CHD8: variants seen among roughly 807,000 people sequenced by gnomAD.
CHD8 encodes ATP-dependent chromatin remodeler CHD8.
In CHD8, 31 loss-of-function variants were observed where a neutral mutation model predicts 279.2. That is an observed-to-expected ratio of 0.11 (90% CI 0.08 to 0.15). The LOEUF (loss-of-function observed/expected upper bound fraction) is 0.15. Ranked by LOEUF, CHD8 falls within the 10% of genes least tolerant of loss-of-function variation. The pLI is 1.00. For synonymous variants in CHD8, 1,081 were observed against 1,139.6 expected, an observed-to-expected ratio of 0.95 and a Z score of 1.04; for missense variants, 2,146 against 3,230.5, an observed-to-expected ratio of 0.66 and a Z score of 8.14.
intron 1 of CHD8, among the ~76,000 whole-genome samples, chr14:21,444,580 G>C (rs768323485): frequency 6.6e-6 from 1 of 152,050 alleles, no homozygotes; most frequent in Admixed American, 6.6e-5. Context: ...CACTCTAAAG[G>C]ATCCAAGGAA....
At chr14:21,395,792 T>A (rs752719663) in intron 28 of CHD8, 25 bp downstream of exon 28, 1 of 1,413,054 alleles carries the variant, frequency 7.1e-7, no homozygotes, top group South Asian at 1.2e-5. Flanking sequence ...TAGAGAAAAG[T>A]GAGACTCAAA....
rs749222217 is a variant in CHD8, at chr14:21,400,070, C to T, written c.4728G>A (p.Lys1576=). Residue 1576 remains lysine, a splice_region_variant and synonymous_variant, in exon 25 of 38, where the codon AAG becomes AAA. Coordinates refer to ENST00000646647, the MANE Select transcript of CHD8 (RefSeq NM_001170629.2). The surrounding 1 kb of genome is among the most constrained non-coding windows in gnomAD (Gnocchi z 4.2). ...YKKHLKHQCN[K]VLLRVRMLYY... ...ATAGCATTCGTACCCGCAACAGTACCCTAGAAAGGACAGAGGAAGAGCTGG... is the reference window on the plus strand; with the variant it reads ...ATAGCATTCGTACCCGCAACAGTACTCTAGAAAGGACAGAGGAAGAGCTGG... 4.3e-6 allele frequency: 7 copies of T among 1,613,550 alleles called. No homozygotes were observed. The highest frequency in any genetic ancestry group is 5.9e-6 in the Non-Finnish European group (7 of 1,179,798).
At chr14:21,413,361 G>A (rs564432756) in intron 9 of CHD8, among the ~76,000 whole-genome samples, 3 of 150,034 alleles carry the variant, frequency 2.0e-5, no homozygotes, top group African/African-American at 4.9e-5. Context: ...TACAACTCCC[G>A]CAACTATTTT....
rs1323000402 is a variant in CHD8, at chr14:21,427,893, T to C, written c.1577A>G (p.Lys526Arg). 1 of 1,614,058 alleles carries C rather than the reference T, an allele frequency of 6.2e-7. No homozygotes were observed. Among genetic ancestry groups the C allele is most frequent in the Non-Finnish European group, 8.5e-7 (1 of 1,179,900 alleles). The stretch of plus-strand genomic sequence containing the variant: ...CTTGAGCTTGCTCTTGCCCTTTGTT[T>C]TGGAGGCACCAGATGTTTTACTCTT... ...PKKSKTSGASKTKGKSKLNTI... is the reference protein window; with the variant it reads ...PKKSKTSGASRTKGKSKLNTI... The change falls in exon 4 of 38, where the codon AAA (lysine) becomes AGA (arginine). Residue 526 changes from lysine (K) to arginine (R), a missense_variant. By Grantham distance (26) the Lys-to-Arg change is conservative. Around this residue, in one of 26 missense-constraint regions of CHD8, gnomAD observed 123 missense variants for 169.2 expected, o/e 0.73. Coordinates refer to ENST00000646647, the MANE Select transcript of CHD8 (RefSeq NM_001170629.2).
At position 21,392,631 on chromosome 14, in the gene CHD8, G is replaced by A. The variant is rs1887597818; in HGVS notation, c.6647C>T (p.Pro2216Leu). 1.2e-6 allele frequency: 2 copies of A among 1,613,990 alleles called. No individual in the cohort carries two copies. Among genetic ancestry groups the A allele is most frequent in the Non-Finnish European group, 8.5e-7 (1 of 1,179,890 alleles). The change falls in exon 34 of 38, where the codon CCA (proline) becomes CTA (leucine). Residue 2216 changes from proline (P) to leucine (L), a missense_variant. Around this residue, in one of 26 missense-constraint regions of CHD8, gnomAD observed 513 missense variants for 637.6 expected, o/e 0.80. Transcript: ENST00000646647. ...GEYGDSPVPTPRSSSAASMAE... is the reference protein window; with the variant it reads ...GEYGDSPVPTLRSSSAASMAE... ...CATGGAAGCTGCACTACTACTTCGT[G>A]GTGTGGGGACTGGAGAGTCACCATA... is the stretch of plus-strand genomic sequence containing the variant.
intron 30 of CHD8, 159 bp downstream of exon 30, chr14:21,394,753 C>T (rs1887703773): frequency 2.8e-6 from 2 of 708,252 alleles, no homozygotes; most frequent in Non-Finnish European, 2.3e-6. Context: ...ATGATTACTG[C>T]ATGCAAGTGA....
chr14:21,393,264 G>C lies in CHD8; in HGVS notation c.6320-10C>G. The C allele has an allele frequency of 1.9e-6, 3 of 1,613,886 alleles. No homozygotes were observed. Among genetic ancestry groups the C allele is most frequent in the Non-Finnish European group, 2.5e-6 (3 of 1,179,806 alleles). ...GAGCGGGACTGGTCAGCTGGTAAGA[G>C]AGCCCATAGAATGTGTGAGAAAAGA... On this transcript the variant is annotated splice_polypyrimidine_tract_variant and intron_variant, in intron 32 of 37. Transcript: ENST00000646647.
rs770032194 is a variant in CHD8, at chr14:21,428,083, G to A, written c.1387C>T (p.Arg463Trp). The A allele has an allele frequency of 6.2e-7, 1 of 1,613,990 alleles. No individual in the cohort carries two copies. The highest frequency in any genetic ancestry group is 8.5e-7 in the Non-Finnish European group (1 of 1,179,898). ...EHQKKQEKAN[R>W]IVAEAIARAR... is the part of the protein sequence containing the mutation. ...CTCGCAATGGCCTCTGCTACAATCC[G>A]ATTTGCTTTCTCTTGCTTCTTCTGG... Residue 463 changes from arginine (R) to tryptophan (W), a missense_variant, in exon 4 of 38, where the codon CGG becomes TGG. Arg to Trp is a moderately radical substitution (Grantham distance 101). Around this residue, in one of 26 missense-constraint regions of CHD8, gnomAD observed 14 missense variants for 42.4 expected, o/e 0.33. Transcript: ENST00000646647.
At chr14:21,393,431 G>A (rs1887635836) in intron 32 of CHD8, 45 bp downstream of exon 32, 2 of 1,510,998 alleles carry the variant, frequency 1.3e-6, no homozygotes, top group Non-Finnish European at 8.9e-7. Flanking sequence ...AGAGAAGAGA[G>A]GGGGAAATAG....
chr14:21,418,245 C>T (rs1467646975), intron 5 of CHD8, among the ~76,000 whole-genome samples: 2 of 152,118 alleles, frequency 1.3e-5, no homozygotes, highest in Admixed American at 6.5e-5. Flanking sequence ...AAGCCGGGCA[C>T]GGTGGATCAC....
chr14:21,429,058 G>C lies in CHD8; in HGVS notation c.1121C>G (p.Thr374Ser). The change falls in exon 3 of 38, where the codon ACT becomes AGT. Residue 374 changes from threonine (T) to serine (S), a missense_variant. By Grantham distance (58) the Thr-to-Ser change is moderately conservative. Around this residue, in one of 26 missense-constraint regions of CHD8, gnomAD observed 170 missense variants for 189.9 expected, o/e 0.90. Coordinates refer to ENST00000646647, the MANE Select transcript of CHD8 (RefSeq NM_001170629.2). ...PQQPPSTQPV[T>S]LSSVQQAQIM... ...CTGAGCCTGCTGTACAGAGGACAGA[G>C]TCACTGGCTGGGTGGAGGGTGGCTG... 1 of 1,614,028 alleles carries C rather than the reference G, an allele frequency of 6.2e-7. No homozygotes were observed. Among genetic ancestry groups the C allele is most frequent in the Non-Finnish European group, 8.5e-7 (1 of 1,179,886 alleles).
intron 26 of CHD8, chr14:21,399,296 C>T (rs1887930523): frequency 1.4e-5 from 5 of 347,652 alleles, no homozygotes; most frequent in Middle Eastern, 9.2e-4. Context: ...GGGTATATTA[C>T]CTGCCCTGAT....
rs1208210510 is a variant in CHD8, at chr14:21,402,561, AAGGAT to A, written c.3715-63_3715-59del. Reference sequence around the variant, plus strand: ...AAGATATCATAAAATTAGCAAGGGAAAGGATACAAAATACCAATTTATGATTCTTT... The same window carrying A: ...AAGATATCATAAAATTAGCAAGGGAAACAAAATACCAATTTATGATTCTTT... On this transcript the variant is annotated intron_variant, in intron 18 of 37. Coordinates refer to ENST00000646647, the MANE Select transcript of CHD8 (RefSeq NM_001170629.2). The surrounding 1 kb of genome is among the most constrained non-coding windows in gnomAD (Gnocchi z 4.5). The A allele has an allele frequency of 6.8e-7, 1 of 1,465,596 alleles. No individual in the cohort carries two copies. The highest frequency in any genetic ancestry group is 1.4e-5 in the African/African-American group (1 of 70,660). 90.8% of individuals were successfully genotyped at this position (1,465,596 alleles called of 1,614,324 possible).
At chr14:21,430,027 T>C (rs965021918) in intron 2 of CHD8, 17 of 153,716 alleles carry the variant, frequency 1.1e-4, no homozygotes, top group African/African-American at 4.1e-4. Context: ...AGTTCATTTT[T>C]GGAAACCTAA....
intron 1 of CHD8, among the ~76,000 whole-genome samples, chr14:21,453,714 G>A (rs1217242425): frequency 6.6e-6 from 1 of 151,860 alleles, no homozygotes; most frequent in Non-Finnish European, 1.5e-5. Flanking sequence ...AAGCTCAGAA[G>A]ATAGCTTAAC....
rs773908554 is a variant in CHD8 at position 21,392,782 on chromosome 14, G to A, written c.6496C>T (p.Leu2166Phe). ...KDRVLINRID[L>F]VCQAVLSGKW... ...CCTGAGAGTACAGCCTGGCAGACGAGGTCAATACGGTTTATCAGGACACGA... is the reference window on the plus strand; with the variant it reads ...CCTGAGAGTACAGCCTGGCAGACGAAGTCAATACGGTTTATCAGGACACGA... The change falls in exon 34 of 38, where the codon CTC becomes TTC. Residue 2166 changes from leucine (L) to phenylalanine (F), a missense_variant. Physicochemically the swap from Leu to Phe is conservative, Grantham distance 22. Around this residue, in one of 26 missense-constraint regions of CHD8, gnomAD observed 513 missense variants for 637.6 expected, o/e 0.80. Transcript: ENST00000646647. 3.7e-6 allele frequency: 6 copies of A among 1,613,866 alleles called. No individual in the cohort carries two copies. The East Asian group carries it at 1.3e-4, about 36-fold the overall frequency.
chr14:21,398,075 ATGT>A (rs891414710), intron 26 of CHD8, 123 bp from the exon 27 acceptor site: 8 of 916,380 alleles, frequency 8.7e-6, no homozygotes, highest in Non-Finnish European at 1.1e-5. Flanking sequence ...CAAAGTTAGA[ATGT>A]TATCTTGGAC....
intron 3 of CHD8, among the ~76,000 whole-genome samples, chr14:21,428,458 A>G (rs1594376323): frequency 6.6e-6 from 1 of 152,244 alleles, no homozygotes; most frequent in South Asian, 2.1e-4. Context: ...GAATTCTGCC[A>G]AAATAAACTT....
rs529697309 is a variant in CHD8, at chr14:21,440,276, G to A, written c.-215-8418C>T. On this transcript the variant is annotated intron_variant, in intron 1 of 37. Transcript: ENST00000646647. ...GGCTGGAGTGCAGTAGTGCGATCTC[G>A]GCTCACTGCAACCTCTGCCTCCCGG... 7.9e-5 allele frequency among the ~76,000 whole-genome samples: 12 copies of A among 152,032 alleles called. No individual in the cohort carries two copies. The East Asian group carries it at 1.4e-3, about 17-fold the overall frequency.
Sources: allele counts gnomAD v4.1 joint callset (sites outside exome capture counted in the v4.1 genomes callset), GRCh38; gene constraint gnomAD v4.1.1; regional missense constraint gnomAD v4.1.1; non-coding constraint Gnocchi (gnomAD v3.1); transcripts MANE v1.5; gene names NCBI Gene and HGNC (gene_info 2026-07-23, HGNC 2026-07-21).